The following TEX11 variants were observed in gnomAD, a reference collection of about 807,000 sequenced individuals.
The protein encoded by TEX11 is testis-expressed protein 11.
In TEX11, 7 loss-of-function variants were observed where a neutral mutation model predicts 84.4. The observed-to-expected ratio is 0.08, with a 90% CI of 0.05 to 0.16. The LOEUF (loss-of-function observed/expected upper bound fraction) is 0.16, where lower values mean the gene tolerates loss of function less well. Among genes scored for constraint, TEX11 ranks in the 10% least tolerant of loss-of-function variants. The probability of loss-of-function intolerance (pLI) is 1.00; values close to 1 mark genes in which losing one functional copy is unlikely to be tolerated. For synonymous variants in TEX11, 264 were observed against 222.8 expected (o/e 1.18, Z -1.64); for missense variants, 551 against 660.5 (o/e 0.83, Z 1.82).
At chrX:70,559,461 A>T (rs764256154) in intron 25 of TEX11, among the ~76,000 whole-genome samples, 3 of 112,301 alleles carry the variant, frequency 2.7e-5, no homozygotes, top group Non-Finnish European at 5.6e-5. Context: ...TTGAGGTAAT[A>T]AAATGTTCCA....
At chrX:70,565,416 C>G in intron 25 of TEX11, among the ~76,000 whole-genome samples, 1 of 108,423 alleles carries the variant, frequency 9.2e-6, no homozygotes, top group Non-Finnish European at 1.9e-5. Context: ...AATTAGATCC[C>G]ATTTGTCAAT....
At position 70,841,223 on chromosome X, in the gene TEX11, G is replaced by C. The variant is rs200832579; in HGVS notation, c.526-7630C>G. On this transcript the variant is annotated intron_variant, in intron 7 of 29. Transcript: ENST00000374333. ...CACCTATTCCAAAATTGACCACATA[G>C]TTGGAAGTAAAGCACTCCTCAGCAA... Among the ~76,000 whole-genome samples the C allele has an allele frequency of 3.2e-4, 35 of 109,923 alleles. No individual in the cohort carries two copies. The East Asian group carries it at 6.3e-3, about 20-fold the overall frequency.
chrX:70,608,740 CAAAAAAA>C (rs61517512), intron 22 of TEX11, among the ~76,000 whole-genome samples: 1 of 66,957 alleles, frequency 1.5e-5, no homozygotes, highest in Non-Finnish European at 2.9e-5. Context: ...GACTCCATCT[CAAAAAAA>C]AAAAAAAAAA....
intron 5 of TEX11, 151 bp downstream of exon 5, chrX:70,860,706 C>A: frequency 2.4e-6 from 1 of 418,469 alleles, no homozygotes; most frequent in Non-Finnish European, 4.1e-6. Context: ...GTAAATATAC[C>A]ATTATAAAAG....
intron 16 of TEX11, among the ~76,000 whole-genome samples, chrX:70,659,039 T>G (rs1458786266): frequency 8.9e-6 from 1 of 112,052 alleles, no homozygotes; most frequent in Non-Finnish European, 1.9e-5. Context: ...TTACCTTATA[T>G]CACACATAAA....
chrX:70,812,800 C>T (rs2091264838), intron 8 of TEX11, among the ~76,000 whole-genome samples: 2 of 111,727 alleles, frequency 1.8e-5, no homozygotes, highest in Non-Finnish European at 3.8e-5. Flanking sequence ...AAACTACCAT[C>T]AGAGAATACT....
intron 2 of TEX11, among the ~76,000 whole-genome samples, chrX:70,901,181 C>A (rs1426411053): frequency 1.8e-5 from 2 of 110,995 alleles, no homozygotes; most frequent in Non-Finnish European, 3.8e-5. Context: ...TAGAGTGAGA[C>A]CTTGTCTAAA....
intron 4 of TEX11, 102 bp from the exon 5 acceptor site, chrX:70,861,038 T>C (rs2091565649): frequency 3.8e-6 from 2 of 530,843 alleles, no homozygotes; most frequent in Admixed American, 5.3e-5. Flanking sequence ...TTTGTTGTTA[T>C]TAAAAATAAA....
At chrX:70,804,133 G>A (rs2147806062) in intron 9 of TEX11, among the ~76,000 whole-genome samples, 1 of 112,197 alleles carries the variant, frequency 8.9e-6, no homozygotes, top group African/African-American at 3.2e-5. Context: ...GGCCACAAGA[G>A]AGTCCATCTC....
At chrX:70,639,318 G>A (rs1051313418) in intron 17 of TEX11, among the ~76,000 whole-genome samples, 2 of 111,914 alleles carry the variant, frequency 1.8e-5, no homozygotes, top group Admixed American at 1.9e-4. Context: ...AGATCAAACT[G>A]CAAGGCGGCA....
intron 9 of TEX11, among the ~76,000 whole-genome samples, chrX:70,779,604 G>A (rs759137532): frequency 9.1e-6 from 1 of 110,013 alleles, no homozygotes; most frequent in Non-Finnish European, 1.9e-5. Flanking sequence ...ATAGATCAAC[G>A]AAACTAAAAG....
intron 13 of TEX11, among the ~76,000 whole-genome samples, chrX:70,702,923 G>A (rs1009085445): frequency 3.6e-5 from 4 of 111,374 alleles, no homozygotes; most frequent in South Asian, 7.6e-4. Flanking sequence ...TGTCCACTAC[G>A]TATGAAGGGC....
chrX:70,602,605 G>A (rs1479187865), intron 24 of TEX11, among the ~76,000 whole-genome samples: 1 of 107,698 alleles, frequency 9.3e-6, no homozygotes, highest in Non-Finnish European at 1.9e-5. Flanking sequence ...ATACTGAATG[G>A]GCAAACACTG....
intron 9 of TEX11, among the ~76,000 whole-genome samples, chrX:70,765,335 G>A (rs1446952939): frequency 9.0e-6 from 1 of 111,283 alleles, no homozygotes; most frequent in African/African-American, 3.3e-5. Context: ...GCAGTGAATG[G>A]AGATCATGCC....
the TEX11 span, among the ~76,000 whole-genome samples, chrX:70,515,028 A>G: frequency 1.9e-4 from 21 of 109,593 alleles, no homozygotes; most frequent in Middle Eastern, 4.8e-3. Flanking sequence ...AGATAGTGCC[A>G]TTGCACTCCA....
chrX:70,525,586 CAAA>C (rs58514385), downstream of TEX11, among the ~76,000 whole-genome samples: 4 of 89,349 alleles, frequency 4.5e-5, no homozygotes, highest in African/African-American at 8.0e-5. Context: ...GACCCTATCT[CAAA>C]AAAAAAAAAA....
chrX:70,842,761 G>A (rs2091454452), intron 7 of TEX11, among the ~76,000 whole-genome samples: 1 of 111,815 alleles, frequency 8.9e-6, no homozygotes, highest in Admixed American at 9.6e-5. Context: ...ATCTCCTCAA[G>A]CTGATAAACA....
At chrX:70,777,773 G>C (rs1203207755) in intron 9 of TEX11, among the ~76,000 whole-genome samples, 1 of 110,705 alleles carries the variant, frequency 9.0e-6, no homozygotes, top group Non-Finnish European at 1.9e-5. Flanking sequence ...AAGAAGAAGG[G>C]ATCAAACCAT....
chrX:70,716,593 C>T (rs753219320), intron 13 of TEX11, among the ~76,000 whole-genome samples: 26 of 112,771 alleles, frequency 2.3e-4, no homozygotes, highest in African/African-American at 7.7e-4. Flanking sequence ...CCAAACCATT[C>T]GCGGGATATA....
Sources: allele counts gnomAD v4.1 joint callset (sites outside exome capture counted in the v4.1 genomes callset), GRCh38; gene constraint gnomAD v4.1.1; transcripts MANE v1.5; gene names NCBI Gene and HGNC (gene_info 2026-07-23, HGNC 2026-07-21).